PYGO1: variants seen among roughly 807,000 people sequenced by gnomAD.
PYGO1 encodes pygopus family PHD finger 1, also known as pygopus homolog 1.
In PYGO1, 6 loss-of-function variants were observed where a neutral mutation model predicts 29.5. That is an observed-to-expected ratio of 0.20 (90% confidence interval 0.11 to 0.40). The LOEUF (loss-of-function observed/expected upper bound fraction) is 0.40. PYGO1 is among the 10% of genes least tolerant of loss of function. PYGO1 has a pLI of 1.00. For synonymous variants in PYGO1, 186 were observed against 180.5 expected, an observed-to-expected ratio of 1.03 and a Z score of -0.24; for missense variants, 515 against 514.9, an observed-to-expected ratio of 1.00 and a Z score of 0.00.
At chr15:55,552,489 A>G (rs1727128556) in intron 1 of PYGO1, among the ~76,000 whole-genome samples, 4 of 152,050 alleles carry the variant, frequency 2.6e-5, no homozygotes, top group Admixed American at 2.6e-4. Flanking sequence ...GGGACTGACC[A>G]AGTGAACAAC....
intron 1 of PYGO1, among the ~76,000 whole-genome samples, chr15:55,558,654 A>C (rs2058918514): frequency 6.6e-6 from 1 of 152,046 alleles, no homozygotes; most frequent in Admixed American, 6.6e-5. Flanking sequence ...ACAGAGATAT[A>C]GACCAATGGA....
chr15:55,567,534 G>A (rs961625749), intron 1 of PYGO1, among the ~76,000 whole-genome samples: 7 of 152,044 alleles, frequency 4.6e-5, no homozygotes, highest in Non-Finnish European at 1.0e-4. Flanking sequence ...TGCACAGTTT[G>A]TGAATATATT....
At position 55,546,509 on chromosome 15, in the gene PYGO1, A is replaced by C. The variant is rs781623949; in HGVS notation, c.774T>G (p.Pro258=). 8.1e-6 allele frequency: 13 copies of C among 1,613,946 alleles called. No homozygotes were observed. Among genetic ancestry groups the C allele is most frequent in the African/African-American group, 1.3e-5 (1 of 74,872 alleles). ...TCACTGTGTCATCCATATTCAAGTG[A>C]GGTGGATGAGCAGAGGAATTTTGAT... ...NTNQNSSAHP[P]HLNMDDTVNQ... is the part of the protein sequence containing the mutation. The change falls in exon 3 of 3, where the codon CCT becomes CCG. Residue 258 remains proline, a synonymous_variant. Transcript: ENST00000563719.
chr15:55,563,000 C>A (rs140850577), intron 1 of PYGO1, among the ~76,000 whole-genome samples: 1 of 151,660 alleles, frequency 6.6e-6, no homozygotes, highest in South Asian at 2.1e-4. Context: ...TCGGGGGGAG[C>A]GGGAGGGAGA....
intron 1 of PYGO1, among the ~76,000 whole-genome samples, chr15:55,586,988 A>G (rs1460556873): frequency 2.6e-5 from 4 of 152,240 alleles, no homozygotes; most frequent in African/African-American, 9.6e-5. Context: ...TATCCCAGTA[A>G]CAAGAACAGT....
At chr15:55,558,700 C>T (rs939000444) in intron 1 of PYGO1, among the ~76,000 whole-genome samples, 12 of 151,982 alleles carry the variant, frequency 7.9e-5, no homozygotes, top group Admixed American at 7.2e-4. Flanking sequence ...ACCATCTGAT[C>T]TTTGACAAAC....
In PYGO1 at chr15:55,546,981, T is replaced by C. The variant is rs755529086; in HGVS notation, c.302A>G (p.Tyr101Cys). The change falls in exon 3 of 3, where the codon TAT becomes TGT. Residue 101 changes from tyrosine (Y) to cysteine (C), a missense_variant. Tyr to Cys is a radical substitution (Grantham distance 194). Transcript: ENST00000563719. ...GTGAGGTGGCATTCTGAATGTACTA[T>C]AGCCTCCAAAGCCAGGATAACCAGG... ...LGPGYPGFGG[Y>C]STFRMPPHVP... 19 of 1,613,904 alleles carry C rather than the reference T, an allele frequency of 1.2e-5. No homozygotes were observed. The highest frequency in any genetic ancestry group is 2.2e-5 in the East Asian group (1 of 44,888).
upstream of PYGO1, among the ~76,000 whole-genome samples, chr15:55,588,503 C>T (rs1163701919): frequency 2.0e-5 from 3 of 147,376 alleles, no homozygotes; most frequent in African/African-American, 7.3e-5. Context: ...CGCCTCCCGC[C>T]ACCGCCGCCG....
chr15:55,559,037 G>C (rs1217426125), intron 1 of PYGO1, among the ~76,000 whole-genome samples: 1 of 151,924 alleles, frequency 6.6e-6, no homozygotes, highest in African/African-American at 2.4e-5. Flanking sequence ...TCCCATCAGA[G>C]TGAACAGGCA....
rs563568639 is a variant in PYGO1, at chr15:55,565,717, CA to C, written c.50-16723del. On this transcript the variant is annotated intron_variant, in intron 1 of 2. Coordinates refer to ENST00000563719, the MANE Select transcript of PYGO1 (RefSeq NM_001367806.1). The stretch of plus-strand genomic sequence containing the variant: ...TGACAGAGTGAGACTCCGTCTCCCC[CA>C]AAAAAAAACAAAAACAAAAACAAAA... Among the ~76,000 whole-genome samples, 137 of 149,758 alleles carry C rather than the reference CA, an allele frequency of 9.1e-4. 1 individual carries two copies. The South Asian group carries it at 0.028, about 31-fold the overall frequency.
intron 1 of PYGO1, among the ~76,000 whole-genome samples, chr15:55,558,528 C>G (rs545569165): frequency 4.6e-5 from 7 of 152,016 alleles, no homozygotes; most frequent in Non-Finnish European, 2.9e-5. Flanking sequence ...AAAAAAGAGC[C>G]CACATTGCCA....
chr15:55,568,403 G>C (rs1340711152), intron 1 of PYGO1, among the ~76,000 whole-genome samples: 2 of 149,752 alleles, frequency 1.3e-5, no homozygotes, highest in Non-Finnish European at 3.0e-5. Context: ...CTCTCAGCTT[G>C]TATATTACTG....
intron 1 of PYGO1, among the ~76,000 whole-genome samples, chr15:55,575,579 T>C (rs1025516969): frequency 6.6e-6 from 1 of 152,164 alleles, no homozygotes; most frequent in Non-Finnish European, 1.5e-5. Flanking sequence ...CAAGGTGTGC[T>C]AGAGGGAGAC....
chr15:55,574,583 C>T (rs1464279422), intron 1 of PYGO1, among the ~76,000 whole-genome samples: 1 of 151,852 alleles, frequency 6.6e-6, no homozygotes, highest in Non-Finnish European at 1.5e-5. Flanking sequence ...TGAGTTTTTT[C>T]AATTTGTTGC....
chr15:55,576,737 G>GCA (rs555010654), intron 1 of PYGO1, among the ~76,000 whole-genome samples: 70 of 51,338 alleles, frequency 1.4e-3, no homozygotes, highest in African/African-American at 5.1e-3. Flanking sequence ...TTGTGCCACT[G>GCA]CACTCCAGCC....
Position 55,539,159 on chromosome 15 carries a change from T to C in PYGO1, c.*6864A>G, listed in dbSNP as rs1343659000. The C allele has an allele frequency of 1.3e-5, 2 of 152,158 alleles. No homozygotes were observed. The highest frequency in any genetic ancestry group is 2.4e-5 in the African/African-American group (1 of 41,446). 9.4% of individuals were successfully genotyped at this position (152,158 alleles called of 1,614,324 possible). A position where few individuals can be genotyped will look rare whatever the true frequency, so the allele number is the denominator to read the frequency against. On this transcript the variant is annotated 3_prime_UTR_variant, in exon 3 of 3. Transcript: ENST00000563719. ...TCTATAGAATAAAAAAACTAAAATG[T>C]AGATGACAAATTAAACTCTTCCAAT...
chr15:55,561,816 A>C (rs1485273580), intron 1 of PYGO1, among the ~76,000 whole-genome samples: 1 of 152,202 alleles, frequency 6.6e-6, no homozygotes, highest in Non-Finnish European at 1.5e-5. Flanking sequence ...TCACGGTGAA[A>C]ACTCCAAAAG....
chr15:55,547,491 T>A (rs1256219811), intron 2 of PYGO1, among the ~76,000 whole-genome samples: 5 of 152,168 alleles, frequency 3.3e-5, no homozygotes, highest in Non-Finnish European at 2.9e-5. Flanking sequence ...TCTAGAAACT[T>A]TCACTTAAAT....
Position 55,587,971 on chromosome 15 carries a change from C to A in PYGO1, c.-88G>T. 2 of 1,423,674 alleles carry A rather than the reference C, an allele frequency of 1.4e-6. No individual in the cohort carries two copies. The highest frequency in any genetic ancestry group is 1.8e-6 in the Non-Finnish European group (2 of 1,082,730). The allele number at this position is 1,423,674 out of a possible 1,614,324, so 88.2% of individuals were successfully genotyped here. The stretch of plus-strand genomic sequence containing the variant: ...CGGCGGCTCCTCCTCCTCGCGGGGC[C>A]GCTGCGGCTGCGAGGCAAGCCTCGG... On this transcript the variant is annotated 5_prime_UTR_variant, in exon 1 of 3. Transcript: ENST00000563719.
Sources: allele counts gnomAD v4.1 joint callset (sites outside exome capture counted in the v4.1 genomes callset), GRCh38; gene constraint gnomAD v4.1.1; transcripts MANE v1.5; gene names NCBI Gene and HGNC (gene_info 2026-07-23, HGNC 2026-07-21).